NLRP3: variants seen among roughly 807,000 people sequenced by gnomAD.
NLRP3 encodes NACHT, LRR and PYD domains-containing protein 3.
In NLRP3, 48 loss-of-function variants were observed where a neutral mutation model predicts 91.3. The ratio of observed to expected loss-of-function variants is 0.53; its 90% CI spans 0.42 to 0.67. The LOEUF (loss-of-function observed/expected upper bound fraction) is 0.67, where lower values mean the gene tolerates loss of function less well. NLRP3 is among the 30% of genes least tolerant of loss of function. NLRP3 has a pLI of 0.00. For synonymous variants in NLRP3, 561 were observed against 507.9 expected (o/e 1.10, Z -1.41); for missense variants, 982 against 1,276.9 (o/e 0.77, Z 3.52).
Position 247,418,661 on chromosome 1 carries a change from T to C in NLRP3, c.-140T>C. ...GTTACAGTCATGTGACATTTTTTTCTTTCTGTTTGCTGAGTTTTTGATAAT... is the reference window on the plus strand; with the variant it reads ...GTTACAGTCATGTGACATTTTTTTCCTTCTGTTTGCTGAGTTTTTGATAAT... On this transcript the variant is annotated 5_prime_UTR_variant, in exon 2 of 10. Transcript: ENST00000336119. 9.1e-7 allele frequency: 1 copy of C among 1,094,480 alleles called. No homozygotes were observed. The highest frequency in any genetic ancestry group is 1.3e-6 in the Non-Finnish European group (1 of 747,588). The allele number at this position is 1,094,480 out of a possible 1,614,324, so 67.8% of individuals were successfully genotyped here.
At chr1:247,436,210 A>T (rs1663782379) in intron 7 of NLRP3, 70 bp downstream of exon 7, 1 of 1,505,962 alleles carries the variant, frequency 6.6e-7, no homozygotes, top group Non-Finnish European at 9.2e-7. Context: ...GAAAATGTGG[A>T]TGGGGGTTAC....
intron 5 of NLRP3, among the ~76,000 whole-genome samples, chr1:247,433,814 T>G (rs1039290604): frequency 1.5e-5 from 2 of 136,836 alleles, no homozygotes; most frequent in Non-Finnish European, 3.2e-5. Flanking sequence ...TGGTCAGGTG[T>G]GTCCTGATGC....
In NLRP3 at chr1:247,429,844, G is replaced by A. The variant is rs1259107420; in HGVS notation, c.2321+89G>A. Reference sequence around the variant, plus strand: ...GACTGGAGAAAGATCTTCAGGACCAGGTTGCTGGTGTGGTTTCTTTCTTTT... The same window carrying A: ...GACTGGAGAAAGATCTTCAGGACCAAGTTGCTGGTGTGGTTTCTTTCTTTT... On this transcript the variant is annotated intron_variant, in intron 5 of 9. Coordinates refer to ENST00000336119, the MANE Select transcript of NLRP3 (RefSeq NM_001243133.2). 6 of 1,507,628 alleles carry A rather than the reference G, an allele frequency of 4.0e-6. No homozygotes were observed. The East Asian group carries it at 1.1e-4, about 28-fold the overall frequency. 93.4% of individuals were successfully genotyped at this position (1,507,628 alleles called of 1,614,324 possible). A position where few individuals can be genotyped will look rare whatever the true frequency, so the allele number is the denominator to read the frequency against.
chr1:247,437,843 C>T (rs1193460908), intron 7 of NLRP3, among the ~76,000 whole-genome samples: 1 of 152,200 alleles, frequency 6.6e-6, no homozygotes, highest in East Asian at 1.9e-4. Context: ...GACATTGGAG[C>T]AGGTGCTCAG....
intron 7 of NLRP3, among the ~76,000 whole-genome samples, chr1:247,440,752 T>C (rs778540571): frequency 1.3e-5 from 2 of 151,912 alleles, no homozygotes; most frequent in Non-Finnish European, 2.9e-5. Context: ...GCTGGGACTA[T>C]AGGTGGACAT....
intron 7 of NLRP3, among the ~76,000 whole-genome samples, chr1:247,439,030 A>ATCCC (rs1664014862): frequency 8.0e-6 from 1 of 125,498 alleles, no homozygotes; most frequent in Non-Finnish European, 1.7e-5. Context: ...CCATCCATCC[A>ATCCC]TCCATCCATC....
In NLRP3 at chr1:247,425,135, C is replaced by G. The variant is rs1184182938; in HGVS notation, c.1686C>G (p.Asn562Lys). 1 of 1,610,992 alleles carries G rather than the reference C, an allele frequency of 6.2e-7. No homozygotes were observed. Among genetic ancestry groups the G allele is most frequent in the Non-Finnish European group, 8.5e-7 (1 of 1,178,592 alleles). Residue 562 changes from asparagine to lysine, a missense_variant, in exon 4 of 10, where the codon AAC becomes AAG. By Grantham distance (94) the Asn-to-Lys change is moderately conservative. Around this residue, in one of 5 missense-constraint regions of NLRP3, gnomAD observed 0 missense variants for 16.1 expected, o/e 0.00. Coordinates refer to ENST00000336119, the MANE Select transcript of NLRP3 (RefSeq NM_001243133.2). The surrounding 1 kb of genome is among the most constrained non-coding windows in gnomAD (Gnocchi z 4.1). ...GAGACGTGACAGTCCTTCTGGAAAA[C>G]TATGGCAAATTCGAAAAGGGGTATT... ...PSRDVTVLLE[N>K]YGKFEKGYLI...
chr1:247,431,569 CGTTT>C (rs1482848672), intron 5 of NLRP3, among the ~76,000 whole-genome samples: 2 of 152,124 alleles, frequency 1.3e-5, no homozygotes, highest in Non-Finnish European at 2.9e-5. Context: ...ATGGGGTTTG[CGTTT>C]GTTTGTCTTG....
Position 247,448,466 on chromosome 1 carries a change from A to C in NLRP3, c.3067A>C (p.Lys1023Gln), listed in dbSNP as rs1270637307. The change falls in exon 10 of 10, where the codon AAG becomes CAG. Residue 1023 changes from lysine (K) to glutamine (Q), a missense_variant. Physicochemically the swap from Lys to Gln is moderately conservative, Grantham distance 53 (BLOSUM62 1). Around this residue, in one of 5 missense-constraint regions of NLRP3, gnomAD observed 29 missense variants for 55.3 expected, o/e 0.52. Transcript: ENST00000336119. The stretch of plus-strand genomic sequence containing the variant: ...TGCGTTAGAAACACTTCAAGAAGAA[A>C]AGCCTGAGCTGACCGTCGTCTTTGA... ...KSALETLQEE[K>Q]PELTVVFEPS... 3 of 1,613,556 alleles carry C rather than the reference A, an allele frequency of 1.9e-6. No individual in the cohort carries two copies. The highest frequency in any genetic ancestry group is 2.7e-5 in the African/African-American group (2 of 74,852).
Position 247,429,209 on chromosome 1 carries a change from G to T in NLRP3, c.2151-376G>T, listed in dbSNP as rs533046753. On this transcript the variant is annotated intron_variant, in intron 4 of 9. Transcript: ENST00000336119. ...TGCCCAGCCTGGCCTGAGGATTTTTGTGAGCACTCCTGATGCTGTTGTGTA... is the reference window on the plus strand; with the variant it reads ...TGCCCAGCCTGGCCTGAGGATTTTTTTGAGCACTCCTGATGCTGTTGTGTA... Among the ~76,000 whole-genome samples the T allele has an allele frequency of 2.6e-5, 4 of 152,186 alleles. No individual in the cohort carries two copies. The East Asian group carries it at 5.8e-4, about 22-fold the overall frequency.
intron 5 of NLRP3, among the ~76,000 whole-genome samples, chr1:247,430,765 T>C (rs891832358): frequency 2.0e-5 from 3 of 149,774 alleles, no homozygotes; most frequent in African/African-American, 7.4e-5. Context: ...CTAAAAACTA[T>C]GAAAATACTT....
intron 9 of NLRP3, among the ~76,000 whole-genome samples, chr1:247,445,732 C>T (rs1378995163): frequency 1.3e-5 from 2 of 152,166 alleles, no homozygotes; most frequent in Admixed American, 6.5e-5. Context: ...CCAACATGCT[C>T]TCCTGGGTTT....
chr1:247,420,678 C>T (rs1483751430), intron 2 of NLRP3, among the ~76,000 whole-genome samples: 7 of 152,052 alleles, frequency 4.6e-5, no homozygotes, highest in African/African-American at 7.2e-5. Context: ...GATTGCACCA[C>T]GGCACTCCAG....
intron 7 of NLRP3, 69 bp downstream of exon 7, chr1:247,436,209 G>T (rs1663782189): frequency 2.0e-6 from 3 of 1,509,264 alleles, no homozygotes; most frequent in African/African-American, 1.4e-5. Context: ...GGAAAATGTG[G>T]ATGGGGGTTA....
intron 9 of NLRP3, 24 bp from the exon 10 acceptor site, chr1:247,448,381 C>G: frequency 7.3e-7 from 1 of 1,362,718 alleles, no homozygotes; most frequent in South Asian, 1.2e-5. Flanking sequence ...GAGTGCAACC[C>G]AGGCTTTCTA....
chr1:247,444,237 A>T (rs575209391), intron 8 of NLRP3, 95 bp downstream of exon 8: 25 of 1,267,158 alleles, frequency 2.0e-5, no homozygotes, highest in South Asian at 1.3e-4. Flanking sequence ...TCTGTATCTT[A>T]GAAGTGAGGT....
intron 7 of NLRP3, 100 bp from the exon 8 acceptor site, chr1:247,443,872 G>C (rs925467337): frequency 7.9e-6 from 9 of 1,139,566 alleles, no homozygotes; most frequent in Admixed American, 3.9e-5. Flanking sequence ...TGAGCTGAAG[G>C]CTGCAGCTGC....
At chr1:247,443,854 C>G in intron 7 of NLRP3, 118 bp from the exon 8 acceptor site, 1 of 956,688 alleles carries the variant, frequency 1.0e-6, no homozygotes, top group Admixed American at 2.0e-5. Context: ...ATGCTGGCTC[C>G]TGCTCTCTGA....
At chr1:247,448,266 CTCT>C in intron 9 of NLRP3, 136 bp from the exon 10 acceptor site, 2 of 593,464 alleles carry the variant, frequency 3.4e-6, no homozygotes, top group Non-Finnish European at 5.9e-6. Context: ...GTTGTGGTCC[CTCT>C]TTTTTTTTTT....
Sources: allele counts gnomAD v4.1 joint callset (sites outside exome capture counted in the v4.1 genomes callset), GRCh38; gene constraint gnomAD v4.1.1; regional missense constraint gnomAD v4.1.1; non-coding constraint Gnocchi (gnomAD v3.1); transcripts MANE v1.5; gene names NCBI Gene and HGNC (gene_info 2026-07-23, HGNC 2026-07-21).